The following DYSF variants were observed in gnomAD, a reference collection of about 807,000 sequenced individuals.
The protein encoded by DYSF is dysferlin, also known as dystrophy-associated fer-1-like 1.
Under a neutral mutation model 274.9 loss-of-function variants are expected in DYSF, and 212 were observed. That is an observed-to-expected ratio of 0.77 (90% CI 0.69 to 0.86). The LOEUF (loss-of-function observed/expected upper bound fraction) is 0.86. Ranked by LOEUF, DYSF falls within the 40% of genes least tolerant of loss-of-function variation. The pLI is 0.00. For synonymous variants in DYSF, 1,091 were observed against 1,078.7 expected (o/e 1.01, Z -0.22); for missense variants, 2,666 against 2,783.2 (o/e 0.96, Z 0.95).
chr2:71,466,732 T>C lies in DYSF; in HGVS notation c.-111T>C. The stretch of plus-strand genomic sequence containing the variant: ...GCGGAGGAGCAGCGAAGGCGACAGC[T>C]CTCTTGGCGCGGCTGCCTGGGAGCC... On this transcript the variant is annotated 5_prime_UTR_variant, in exon 1 of 56. Transcript: ENST00000410020. The C allele has an allele frequency of 7.2e-7, 1 of 1,398,178 alleles. No homozygotes were observed. The highest frequency in any genetic ancestry group is 1.5e-5 in the African/African-American group (1 of 67,058). The allele number at this position is 1,398,178 out of a possible 1,614,324, so 86.6% of individuals were successfully genotyped here. A position where few individuals can be genotyped will look rare whatever the true frequency, so the allele number is the denominator to read the frequency against.
At position 71,503,236 on chromosome 2, in the gene DYSF, C is replaced by G; in HGVS notation, c.262C>G (p.Pro88Ala). ...CAGGTTCCTGGGGGAAGCCAAGGTCCCACTCCGAGAGGTCCTCGCCACCCC... is the reference window on the plus strand; with the variant it reads ...CAGGTTCCTGGGGGAAGCCAAGGTCGCACTCCGAGAGGTCCTCGCCACCCC... ...RNRFLGEAKV[P>A]LREVLATPSL... Residue 88 changes from proline to alanine, a missense_variant, in exon 4 of 56, where the codon CCA becomes GCA. Physicochemically the swap from Pro to Ala is conservative, Grantham distance 27. Transcript: ENST00000410020. 6.2e-7 allele frequency: 1 copy of G among 1,614,036 alleles called. No homozygotes were observed. The highest frequency in any genetic ancestry group is 8.5e-7 in the Non-Finnish European group (1 of 1,179,964).
In DYSF at chr2:71,669,701, C is replaced by T; in HGVS notation, c.5739C>T (p.Pro1913=). The T allele has an allele frequency of 6.2e-7, 1 of 1,614,202 alleles. No homozygotes were observed. The highest frequency in any genetic ancestry group is 8.5e-7 in the Non-Finnish European group (1 of 1,180,046). The part of the protein sequence containing the change: ...EGNFNWRFIF[P]FDYLPAEQVC... ...ACTTCAACTGGAGGTTCATTTTCCC[C>T]TTCGACTACCTGCCAGCTGAGCAAG... is the stretch of plus-strand genomic sequence containing the variant. The change falls in exon 51 of 56, where the codon CCC becomes CCT. Residue 1913 remains proline (P), a synonymous_variant. Coordinates refer to ENST00000410020, the MANE Select transcript of DYSF (RefSeq NM_001130987.2).
At chr2:71,583,166 G>C (rs1440316520) in intron 30 of DYSF, among the ~76,000 whole-genome samples, 2 of 151,582 alleles carry the variant, frequency 1.3e-5, no homozygotes, top group Non-Finnish European at 2.9e-5. Flanking sequence ...ACTAATGGCT[G>C]TGTTTAACAA....
intron 32 of DYSF, among the ~76,000 whole-genome samples, chr2:71,591,046 A>G (rs969856385): frequency 7.2e-5 from 11 of 152,232 alleles, no homozygotes; most frequent in African/African-American, 2.7e-4. Flanking sequence ...TCAGCACAGC[A>G]GACAAGTCCC....
At chr2:71,525,406 G>A (rs1416440010) in intron 12 of DYSF, among the ~76,000 whole-genome samples, 1 of 152,006 alleles carries the variant, frequency 6.6e-6, no homozygotes, top group East Asian at 1.9e-4. Context: ...GTATTATTTG[G>A]TAGAGACAGG....
chr2:71,539,352 C>T (rs370110131), intron 17 of DYSF, 113 bp downstream of exon 17: 29 of 911,456 alleles, frequency 3.2e-5, no homozygotes, highest in African/African-American at 2.5e-4. Context: ...GATTATAAGG[C>T]CTCTGTTGCC....
intron 38 of DYSF, among the ~76,000 whole-genome samples, chr2:71,611,925 G>A (rs900314748): frequency 4.6e-5 from 7 of 152,214 alleles, no homozygotes; most frequent in East Asian, 1.9e-4. Context: ...CCCCTGGAGC[G>A]CCCTTGGGGA....
chr2:71,555,914 C>T lies in DYSF; in HGVS notation c.2110-51C>T, dbSNP rs2091301856. The stretch of plus-strand genomic sequence containing the variant: ...AGGCCTGGGGGTTGGGTCCAGCATG[C>T]ACCCTCTGCCCTGTGGTGACACACC... On this transcript the variant is annotated intron_variant, in intron 21 of 55. Transcript: ENST00000410020. 6.3e-6 allele frequency: 9 copies of T among 1,427,270 alleles called. No individual in the cohort carries two copies. The African/African-American group carries it at 7.1e-5, about 11-fold the overall frequency. 88.4% of individuals were successfully genotyped at this position (1,427,270 alleles called of 1,614,324 possible).
At chr2:71,650,126 C>G (rs2094630193) in intron 42 of DYSF, among the ~76,000 whole-genome samples, 1 of 152,128 alleles carries the variant, frequency 6.6e-6, no homozygotes, top group African/African-American at 2.4e-5. Flanking sequence ...TGGAAACACA[C>G]TGGTTGGTAG....
intron 24 of DYSF, among the ~76,000 whole-genome samples, chr2:71,565,063 T>C (rs1169397810): frequency 6.6e-6 from 1 of 150,790 alleles, no homozygotes; most frequent in African/African-American, 2.4e-5. Flanking sequence ...GGAGTGGCCC[T>C]GAGAAGCAGG....
chr2:71,641,178 A>ATTTTTTTTTT (rs10683765), intron 41 of DYSF, among the ~76,000 whole-genome samples: 38 of 124,542 alleles, frequency 3.1e-4, no homozygotes, highest in African/African-American at 1.2e-3. Context: ...ATGTTTATCT[A>ATTTTTTTTTT]TTTTTTTTTT....
intron 17 of DYSF, among the ~76,000 whole-genome samples, chr2:71,544,025 T>A (rs1465478273): frequency 1.3e-5 from 2 of 152,202 alleles, no homozygotes; most frequent in Non-Finnish European, 2.9e-5. Context: ...CTTTTATATT[T>A]TCCTTTACTT....
intron 1 of DYSF, among the ~76,000 whole-genome samples, chr2:71,471,287 G>A (rs1050800274): frequency 9.2e-5 from 14 of 152,084 alleles, no homozygotes; most frequent in Non-Finnish European, 1.8e-4. Flanking sequence ...CAAGGAAAGT[G>A]CAGAAGATAT....
rs2152855897 is a variant in DYSF at position 71,598,676 on chromosome 2, T to C, written c.3687T>C (p.Phe1229=). ...TCATCTTCTACGAGATCGAGATCTTTGGCGAGCCGGCCACAGTTGCTGAGC... is the reference window on the plus strand; with the variant it reads ...TCATCTTCTACGAGATCGAGATCTTCGGCGAGCCGGCCACAGTTGCTGAGC... ...QTLIFYEIEI[F]GEPATVAEQP... The change falls in exon 33 of 56, where the codon TTT becomes TTC. Residue 1229 remains phenylalanine, a synonymous_variant. Coordinates refer to ENST00000410020, the MANE Select transcript of DYSF (RefSeq NM_001130987.2). 6.2e-7 allele frequency: 1 copy of C among 1,614,044 alleles called. No individual in the cohort carries two copies. The highest frequency in any genetic ancestry group is 8.5e-7 in the Non-Finnish European group (1 of 1,180,038).
intron 17 of DYSF, among the ~76,000 whole-genome samples, chr2:71,542,327 G>A (rs915571981): frequency 9.3e-5 from 14 of 150,010 alleles, no homozygotes; most frequent in African/African-American, 2.7e-4. Context: ...TTACTGCTTC[G>A]TACATGGTTT....
At chr2:71,504,471 C>T (rs2085294126) in intron 4 of DYSF, among the ~76,000 whole-genome samples, 1 of 152,158 alleles carries the variant, frequency 6.6e-6, no homozygotes, top group Non-Finnish European at 1.5e-5. Context: ...CACCCTGAGT[C>T]CCCTCTCATC....
chr2:71,646,567 G>A (rs138766866), intron 42 of DYSF, among the ~76,000 whole-genome samples: 9 of 152,300 alleles, frequency 5.9e-5, no homozygotes, highest in African/African-American at 1.7e-4. Flanking sequence ...TGGAGAGAGT[G>A]GAGCACACAG....
At chr2:71,663,349 C>T (rs888387149) in intron 45 of DYSF, among the ~76,000 whole-genome samples, 3 of 152,234 alleles carry the variant, frequency 2.0e-5, no homozygotes, top group East Asian at 1.9e-4. Flanking sequence ...CTGTCCCCAG[C>T]CCCTGGTTCT....
chr2:71,484,045 C>CTTTTTTTTTTTTT, intron 3 of DYSF, among the ~76,000 whole-genome samples: 1 of 67,548 alleles, frequency 1.5e-5, no homozygotes, highest in Non-Finnish European at 2.5e-5. Context: ...GGAGATTTCC[C>CTTTTTTTTTTTTT]TTTTTTTTTT....
Sources: gnomAD v4.1 joint callset for allele counts (sites outside exome capture counted in the v4.1 genomes callset) on GRCh38, gnomAD v4.1.1 for gene constraint, MANE v1.5 for transcripts, NCBI Gene and HGNC (gene_info 2026-07-23, HGNC 2026-07-21) for gene names.